The following CACNA2D3 variants were observed in gnomAD, a reference collection of about 807,000 sequenced individuals.
CACNA2D3 encodes calcium voltage-gated channel auxiliary subunit alpha2delta 3, also known as voltage-dependent calcium channel subunit alpha-2/delta-3.
In CACNA2D3, 60 loss-of-function variants were observed where a neutral mutation model predicts 160.6. That is an observed-to-expected ratio of 0.37 (90% confidence interval 0.30 to 0.46). The LOEUF (loss-of-function observed/expected upper bound fraction) is 0.46, where lower values mean the gene tolerates loss of function less well. Ranked by LOEUF, CACNA2D3 falls within the 20% of genes least tolerant of loss-of-function variation. The probability of loss-of-function intolerance (pLI) is 1.00; values close to 1 mark genes in which losing one functional copy is unlikely to be tolerated. For missense variants in CACNA2D3, 1,205 were observed against 1,365.0 expected, an observed-to-expected ratio of 0.88 and a Z score of 1.85; for synonymous variants, 558 against 492.9, an observed-to-expected ratio of 1.13 and a Z score of -1.75.
intron 3 of CACNA2D3, among the ~76,000 whole-genome samples, chr3:54,368,693 CTTT>C (rs33976949): frequency 1.4e-4 from 10 of 71,536 alleles, no homozygotes; most frequent in South Asian, 7.0e-4. Flanking sequence ...GGGTAGGGTT[CTTT>C]TTTTTTTTTT....
intron 35 of CACNA2D3, among the ~76,000 whole-genome samples, chr3:55,034,461 AAATT>A (rs1703769742): frequency 6.6e-6 from 1 of 152,000 alleles, no homozygotes; most frequent in African/African-American, 2.4e-5. Flanking sequence ...TATAGTAAGA[AAATT>A]AACCATTTTT....
chr3:55,043,822 T>A (rs898604545), intron 35 of CACNA2D3, among the ~76,000 whole-genome samples: 1 of 152,206 alleles, frequency 6.6e-6, no homozygotes, highest in Non-Finnish European at 1.5e-5. Flanking sequence ...ATACATGGTG[T>A]GATTTAGCAT....
Position 54,429,314 on chromosome 3 carries a change from A to T in CACNA2D3, c.381+42540A>T, listed in dbSNP as rs1282235929. The stretch of plus-strand genomic sequence containing the variant: ...TAAATTGCAGAAAAACTTGAGACCC[A>T]TGGAAAGTTCTCTTGTAAATATTAT... On this transcript the variant is annotated intron_variant, in intron 4 of 37. Coordinates refer to ENST00000474759, the MANE Select transcript of CACNA2D3 (RefSeq NM_018398.3). Among the ~76,000 whole-genome samples the T allele has an allele frequency of 3.3e-5, 5 of 152,206 alleles. No individual in the cohort carries two copies. The East Asian group carries it at 7.7e-4, about 23-fold the overall frequency.
At chr3:54,411,416 C>T (rs1449713312) in intron 4 of CACNA2D3, among the ~76,000 whole-genome samples, 1 of 152,184 alleles carries the variant, frequency 6.6e-6, no homozygotes, top group Non-Finnish European at 1.5e-5. Flanking sequence ...TTGCCACAGT[C>T]ACTCCAACCT....
chr3:54,541,672 G>A (rs952551790), intron 5 of CACNA2D3, among the ~76,000 whole-genome samples: 10 of 152,174 alleles, frequency 6.6e-5, no homozygotes, highest in African/African-American at 1.9e-4. Context: ...TCAAGTTACC[G>A]TCACGTGGTG....
intron 3 of CACNA2D3, among the ~76,000 whole-genome samples, chr3:54,331,088 T>C (rs1026071603): frequency 6.6e-6 from 1 of 152,114 alleles, no homozygotes; most frequent in Non-Finnish European, 1.5e-5. Context: ...AAATAAAAAA[T>C]AATTAATCAC....
At chr3:54,482,372 C>T (rs1375495595) in intron 4 of CACNA2D3, among the ~76,000 whole-genome samples, 2 of 152,194 alleles carry the variant, frequency 1.3e-5, no homozygotes, top group Non-Finnish European at 2.9e-5. Flanking sequence ...CTCTTACAGA[C>T]GTTGATAGTT....
chr3:54,777,616 A>G (rs1291320501), intron 13 of CACNA2D3, among the ~76,000 whole-genome samples: 1 of 152,184 alleles, frequency 6.6e-6, no homozygotes, highest in African/African-American at 2.4e-5. Flanking sequence ...CTTGTCATTG[A>G]TTTCTCTTCT....
intron 3 of CACNA2D3, among the ~76,000 whole-genome samples, chr3:54,323,313 A>G (rs1478185691): frequency 6.6e-6 from 1 of 152,098 alleles, no homozygotes; most frequent in Non-Finnish European, 1.5e-5. Flanking sequence ...TCAGGTTCAA[A>G]TTTGCCCATG....
chr3:54,779,479 T>C (rs1354417410), intron 13 of CACNA2D3, among the ~76,000 whole-genome samples: 2 of 152,224 alleles, frequency 1.3e-5, no homozygotes, highest in Non-Finnish European at 2.9e-5. Flanking sequence ...AGGAAATCCT[T>C]GAAAATAATC....
intron 2 of CACNA2D3, among the ~76,000 whole-genome samples, chr3:54,160,875 C>T (rs189429308): frequency 1.3e-5 from 2 of 152,148 alleles, no homozygotes; most frequent in Admixed American, 1.3e-4. Context: ...ATTTTTATGT[C>T]AAAGGAGTAA....
chr3:55,050,398 A>G (rs1704173289), intron 35 of CACNA2D3, among the ~76,000 whole-genome samples: 1 of 151,734 alleles, frequency 6.6e-6, no homozygotes, highest in South Asian at 2.1e-4. Flanking sequence ...TCTGGGTTGA[A>G]AATTCTTTTC....
At chr3:54,345,534 T>G (rs1284011365) in intron 3 of CACNA2D3, among the ~76,000 whole-genome samples, 1 of 152,184 alleles carries the variant, frequency 6.6e-6, no homozygotes, top group Non-Finnish European at 1.5e-5. Flanking sequence ...CTGCAAGGCT[T>G]TCATCAGAGA....
chr3:54,343,306 T>G (rs768320235), intron 3 of CACNA2D3, among the ~76,000 whole-genome samples: 2 of 152,144 alleles, frequency 1.3e-5, no homozygotes, highest in South Asian at 2.1e-4. Context: ...TAATTTTTTT[T>G]TAAGAGACAG....
chr3:54,732,458 T>C (rs1251109338), intron 11 of CACNA2D3, among the ~76,000 whole-genome samples: 25 of 152,202 alleles, frequency 1.6e-4, no homozygotes, highest in Admixed American at 1.6e-3. Context: ...AGTTCAGCTT[T>C]TGAACTCTGG....
At chr3:54,789,456 G>C (rs771755040) in intron 13 of CACNA2D3, among the ~76,000 whole-genome samples, 1 of 152,208 alleles carries the variant, frequency 6.6e-6, no homozygotes, top group African/African-American at 2.4e-5. Flanking sequence ...TCCTGACACC[G>C]TAAAGGTATG....
At chr3:54,581,656 A>C (rs1399232409) in intron 8 of CACNA2D3, 147 bp from the exon 9 acceptor site, 1 of 671,854 alleles carries the variant, frequency 1.5e-6, no homozygotes, top group Admixed American at 2.7e-5. Context: ...GTCTAGAGGG[A>C]CACCCATGAG....
chr3:54,625,880 T>C (rs1699087392), intron 9 of CACNA2D3, among the ~76,000 whole-genome samples: 1 of 152,200 alleles, frequency 6.6e-6, no homozygotes, highest in Non-Finnish European at 1.5e-5. Flanking sequence ...CGTGATCATT[T>C]TGGGGGTCCT....
At chr3:54,427,223 G>A (rs770367570) in intron 4 of CACNA2D3, among the ~76,000 whole-genome samples, 2 of 152,120 alleles carry the variant, frequency 1.3e-5, no homozygotes, top group South Asian at 2.1e-4. Flanking sequence ...TTATCTGTGC[G>A]TATCTGTTGA....
Sources: allele counts gnomAD v4.1 joint callset (sites outside exome capture counted in the v4.1 genomes callset), GRCh38; gene constraint gnomAD v4.1.1; transcripts MANE v1.5; gene names NCBI Gene and HGNC (gene_info 2026-07-23, HGNC 2026-07-21).